PFKFB3: variants seen among roughly 807,000 people sequenced by gnomAD.
The protein encoded by PFKFB3 is 6-phosphofructo-2-kinase/fructose-2,6-biphosphatase 3, also known as 6-phosphofructo-2-kinase/fructose-2,6-bisphosphatase 3.
Under a neutral mutation model 68.0 loss-of-function variants are expected in PFKFB3, and 33 were observed. That is an observed-to-expected ratio of 0.49 (90% confidence interval 0.37 to 0.65). The LOEUF (loss-of-function observed/expected upper bound fraction) is 0.65. PFKFB3 is among the 30% of genes least tolerant of loss of function. The pLI, the probability that PFKFB3 is intolerant of heterozygous loss-of-function variation, is 0.00. For synonymous variants in PFKFB3, 315 were observed against 288.2 expected (o/e 1.09, Z -0.94); for missense variants, 586 against 712.2 (o/e 0.82, Z 2.02).
At chr10:6,318,425 A>T in the PFKFB3 span, among the ~76,000 whole-genome samples, 1 of 152,286 alleles carries the variant, frequency 6.6e-6, no homozygotes, top group Non-Finnish European at 1.5e-5. Flanking sequence ...TCCCTCGGAA[A>T]CTCAGATATG....
Position 6,228,499 on chromosome 10 carries a change from G to C in PFKFB3, c.1515+2134G>C, listed in dbSNP as rs1250277959. 1.3e-4 allele frequency among the ~76,000 whole-genome samples: 20 copies of C among 152,030 alleles called. No individual in the cohort carries two copies. On this transcript the variant is annotated intron_variant, in intron 14 of 14. Coordinates refer to ENST00000379775, the MANE Select transcript of PFKFB3 (RefSeq NM_004566.4). The surrounding 1 kb of genome is among the most constrained non-coding windows in gnomAD (Gnocchi z 4.5). ...CTACCCTCTCAGGGCTGCAGGTCGT[G>C]GTGTGTAATGGCCGTGGTTTAGGGC...
chr10:6,286,200 A>G, the PFKFB3 span, among the ~76,000 whole-genome samples: 44 of 152,110 alleles, frequency 2.9e-4, no homozygotes, highest in Non-Finnish European at 5.7e-4. Flanking sequence ...GATGGTCTCC[A>G]TCTCCTGACC....
chr10:6,292,993 C>T, the PFKFB3 span: 3 of 252,932 alleles, frequency 1.2e-5, 1 homozygote, highest in Middle Eastern at 3.0e-3. Flanking sequence ...CCTCATGCAG[C>T]GTATGCTCAA....
At chr10:6,291,895 T>C in the PFKFB3 span, among the ~76,000 whole-genome samples, 951 of 151,250 alleles carry the variant, frequency 6.3e-3, 10 homozygotes, top group African/African-American at 0.022. Context: ...CATCACCATC[T>C]CTTACAACCT....
the PFKFB3 span, among the ~76,000 whole-genome samples, chr10:6,314,696 C>G: frequency 6.6e-6 from 1 of 152,158 alleles, no homozygotes; most frequent in Non-Finnish European, 1.5e-5. Flanking sequence ...TGAGCAAATG[C>G]TGAACAGTTT....
At chr10:6,324,971 T>G in the PFKFB3 span, among the ~76,000 whole-genome samples, 1 of 152,126 alleles carries the variant, frequency 6.6e-6, no homozygotes, top group Non-Finnish European at 1.5e-5. Context: ...GGCATATAAT[T>G]TTTTTAAATT....
At chr10:6,172,141 G>C (rs900146892) in intron 1 of PFKFB3, among the ~76,000 whole-genome samples, 5 of 152,222 alleles carry the variant, frequency 3.3e-5, no homozygotes, top group Non-Finnish European at 7.3e-5. Context: ...TGGCTCACTC[G>C]TTTGCTGGGA....
chr10:6,176,148 G>C (rs771704460), intron 1 of PFKFB3, among the ~76,000 whole-genome samples: 1 of 152,216 alleles, frequency 6.6e-6, no homozygotes, highest in Non-Finnish European at 1.5e-5. Context: ...ACCAGCTATT[G>C]CAGGAAGGGA....
chr10:6,210,375 T>TTG (rs1460405243), intron 1 of PFKFB3, among the ~76,000 whole-genome samples: 1 of 87,314 alleles, frequency 1.1e-5, no homozygotes, highest in African/African-American at 3.0e-5. Flanking sequence ...TTTTTTTTTT[T>TTG]TTTGAGACGA....
chr10:6,238,984 G>A (rs1846083683), downstream of PFKFB3, among the ~76,000 whole-genome samples: 2 of 152,126 alleles, frequency 1.3e-5, no homozygotes, highest in Admixed American at 1.3e-4. Flanking sequence ...GGGCATTTGG[G>A]TTGATTCCAT....
the PFKFB3 span, among the ~76,000 whole-genome samples, chr10:6,298,327 G>A: frequency 6.6e-6 from 1 of 152,010 alleles, no homozygotes; most frequent in African/African-American, 2.4e-5. Context: ...AGGGAAGTAG[G>A]AGAATGGCAG....
intron 1 of PFKFB3, among the ~76,000 whole-genome samples, chr10:6,151,403 G>C (rs1172595134): frequency 6.6e-6 from 1 of 151,936 alleles, no homozygotes. Flanking sequence ...ACACTCACTT[G>C]TCAGAAAGTG....
intron 1 of PFKFB3, among the ~76,000 whole-genome samples, chr10:6,148,304 G>T (rs75260671): frequency 6.6e-6 from 1 of 152,356 alleles, no homozygotes; most frequent in East Asian, 1.9e-4. Flanking sequence ...TGGTGCCATG[G>T]TGCTGGCTAG....
chr10:6,266,417 T>G, the PFKFB3 span, among the ~76,000 whole-genome samples: 3 of 152,166 alleles, frequency 2.0e-5, no homozygotes, highest in Non-Finnish European at 1.5e-5. Context: ...GCTCATCTTG[T>G]GCCTTCCCTG....
intron 14 of PFKFB3, among the ~76,000 whole-genome samples, chr10:6,231,994 G>GA (rs1845780071): frequency 6.6e-6 from 1 of 152,214 alleles, no homozygotes; most frequent in Non-Finnish European, 1.5e-5. Context: ...CCTCCCTGTG[G>GA]ATGGCTCCAG....
intron 1 of PFKFB3, among the ~76,000 whole-genome samples, chr10:6,168,851 C>G (rs1842216720): frequency 6.6e-6 from 1 of 152,212 alleles, no homozygotes; most frequent in Non-Finnish European, 1.5e-5. Context: ...GACTTACATT[C>G]AAAGCACTTC....
rs1846375325 is a variant in PFKFB3 at position 6,251,273 on chromosome 10, GGCAAAACCA to G, written c.1516-2902_1516-2894del. 2.6e-5 allele frequency among the ~76,000 whole-genome samples: 4 copies of G among 152,156 alleles called. No homozygotes were observed. The South Asian group carries it at 8.3e-4, about 32-fold the overall frequency. On this transcript the variant is annotated intron_variant, in intron 14 of 14. Coordinates refer to the PFKFB3 transcript ENST00000640683. ...AGTCCCTGCATCTCCCTTAGTCTGTGGCAAAACCAGCCACCCACCTGCCCATCCAGACTC... is the reference window on the plus strand; with the variant it reads ...AGTCCCTGCATCTCCCTTAGTCTGTGGCCACCCACCTGCCCATCCAGACTC...
downstream of PFKFB3, among the ~76,000 whole-genome samples, chr10:6,239,960 C>T (rs1846103862): frequency 6.6e-6 from 1 of 152,226 alleles, no homozygotes; most frequent in Non-Finnish European, 1.5e-5. Flanking sequence ...AGGCATGAGC[C>T]ACCGTGCCTG....
chr10:6,263,437 C>T, the PFKFB3 span, among the ~76,000 whole-genome samples: 1 of 152,178 alleles, frequency 6.6e-6, no homozygotes, highest in Non-Finnish European at 1.5e-5. Context: ...TTGTTTATGG[C>T]CAGTTTTGGG....
Sources: gnomAD v4.1 joint callset for allele counts (sites outside exome capture counted in the v4.1 genomes callset) on GRCh38, gnomAD v4.1.1 for gene constraint, Gnocchi (gnomAD v3.1) non-coding constraint, MANE v1.5 for transcripts, NCBI Gene and HGNC (gene_info 2026-07-23, HGNC 2026-07-21) for gene names.